Variants in ZMYM1 observed in about 807,000 individuals in gnomAD.
ZMYM1 encodes the protein zinc finger MYM-type protein 1.
A neutral mutation model predicts 60.0 loss-of-function variants in ZMYM1; 39 were observed. The observed-to-expected ratio is 0.65, with a 90% CI of 0.50 to 0.85. ZMYM1 has a LOEUF of 0.85. Ranked by LOEUF, ZMYM1 falls within the 40% of genes least tolerant of loss-of-function variation. ZMYM1 has a pLI of 0.00. For synonymous variants in ZMYM1, 413 were observed against 454.0 expected, an observed-to-expected ratio of 0.91 and a Z score of 1.15; for missense variants, 1,171 against 1,309.5, an observed-to-expected ratio of 0.89 and a Z score of 1.63.
chr1:35,069,072 G>T (rs1009165720), intron 1 of ZMYM1, among the ~76,000 whole-genome samples: 2 of 152,200 alleles, frequency 1.3e-5, no homozygotes, highest in African/African-American at 4.8e-5. Flanking sequence ...GACCTCAGGT[G>T]ATCTGCCTGC....
chr1:35,068,897 C>T (rs188979559), intron 1 of ZMYM1, among the ~76,000 whole-genome samples: 17 of 152,112 alleles, frequency 1.1e-4, no homozygotes, highest in African/African-American at 3.6e-4. Flanking sequence ...AGGGCAATGG[C>T]GTGATGTTGG....
At chr1:35,109,927 T>A (rs1036697208) in intron 6 of ZMYM1, among the ~76,000 whole-genome samples, 2 of 152,180 alleles carry the variant, frequency 1.3e-5, no homozygotes, top group Non-Finnish European at 2.9e-5. Flanking sequence ...TTTGTATTTT[T>A]AGTAGAGACG....
At chr1:35,062,996 G>T (rs1461796752) in intron 1 of ZMYM1, among the ~76,000 whole-genome samples, 1 of 152,176 alleles carries the variant, frequency 6.6e-6, no homozygotes, top group Non-Finnish European at 1.5e-5. Context: ...GGTGCTTCTG[G>T]TCTAGTGGCT....
chr1:35,089,088 A>G (rs1485788148), intron 1 of ZMYM1, among the ~76,000 whole-genome samples: 2 of 152,078 alleles, frequency 1.3e-5, no homozygotes, highest in East Asian at 3.9e-4. Context: ...CAGGGATTTC[A>G]GGCATGAGCC....
In ZMYM1 at chr1:35,083,291, C is replaced by T. The variant is rs552137372; in HGVS notation, c.-75+3849C>T. Among the ~76,000 whole-genome samples the T allele has an allele frequency of 1.1e-3, 168 of 152,114 alleles. 6 individuals carry two copies. The South Asian group carries it at 0.033, about 30-fold the overall frequency. ...TCGGCCTCCCGAGTAGCTGGGACTC[C>T]AGATGCATACCATCATACCCAGCTA... is the stretch of plus-strand genomic sequence containing the variant. On this transcript the variant is annotated intron_variant, in intron 1 of 9. Transcript: ENST00000359858.
upstream of ZMYM1, among the ~76,000 whole-genome samples, chr1:35,078,537 A>ATTTTTTTTTTTTTTTTTTTTTTT (rs751468260): frequency 1.2e-5 from 1 of 82,234 alleles, no homozygotes; most frequent in Non-Finnish European, 2.3e-5. Flanking sequence ...GGTTATTTTA[A>ATTTTTTTTTTTTTTTTTTTTTTT]TTTTTTTTTT....
chr1:35,099,761 C>T (rs944974322), intron 4 of ZMYM1, among the ~76,000 whole-genome samples: 2 of 152,120 alleles, frequency 1.3e-5, no homozygotes, highest in African/African-American at 2.4e-5. Flanking sequence ...GAGACAGAGT[C>T]ACTATGTTTC....
intron 1 of ZMYM1, among the ~76,000 whole-genome samples, chr1:35,083,188 G>C (rs900436113): frequency 6.7e-6 from 1 of 148,814 alleles, no homozygotes; most frequent in African/African-American, 2.5e-5. Flanking sequence ...GGGTCTCACT[G>C]TCCCCCAGAC....
intron 6 of ZMYM1, among the ~76,000 whole-genome samples, chr1:35,106,966 C>T (rs1439119707): frequency 6.6e-6 from 1 of 151,692 alleles, no homozygotes. Flanking sequence ...ATTCTCGTAT[C>T]TCAGCCTCGC....
Position 35,094,077 on chromosome 1 carries a change from T to C in ZMYM1, c.90T>C (p.Asn30=), listed in dbSNP as rs1643177103. 6.2e-7 allele frequency: 1 copy of C among 1,608,414 alleles called. No individual in the cohort carries two copies. The highest frequency in any genetic ancestry group is 1.1e-5 in the South Asian group (1 of 90,018). Residue 30 remains asparagine (N), a synonymous_variant, in exon 2 of 10, where the codon AAT becomes AAC. Transcript: ENST00000359858. ...ATGAAATTAAGACAGAACCCGACAATGCTCAAGTAAATATTTTCCCTTATT... is the reference window on the plus strand; with the variant it reads ...ATGAAATTAAGACAGAACCCGACAACGCTCAAGTAAATATTTTCCCTTATT... The part of the protein sequence containing the change: ...LLDEIKTEPD[N]AQEYCHRQQS...
chr1:35,092,577 TCTTTC>T (rs1389461187), intron 1 of ZMYM1, among the ~76,000 whole-genome samples: 1 of 150,412 alleles, frequency 6.6e-6, no homozygotes, highest in Non-Finnish European at 1.5e-5. Context: ...TCCTTTTCTT[TCTTTC>T]TTTTCTTTCT....
chr1:35,109,800 G>A (rs958002775), intron 6 of ZMYM1, among the ~76,000 whole-genome samples: 2 of 151,648 alleles, frequency 1.3e-5, no homozygotes, highest in African/African-American at 4.8e-5. Context: ...AGGCTGGAGT[G>A]CAGTGTCACA....
chr1:35,061,356 G>C (rs1641872583), intron 1 of ZMYM1, among the ~76,000 whole-genome samples: 1 of 152,158 alleles, frequency 6.6e-6, no homozygotes, highest in South Asian at 2.1e-4. Context: ...GAGAATATTA[G>C]GGGATTTTGT....
At chr1:35,080,353 T>C (rs1294601477) in intron 1 of ZMYM1, among the ~76,000 whole-genome samples, 2 of 150,312 alleles carry the variant, frequency 1.3e-5, no homozygotes, top group Non-Finnish European at 3.0e-5. Context: ...GTCTCGCTCT[T>C]TGGCCCAGGC....
intron 2 of ZMYM1, among the ~76,000 whole-genome samples, chr1:35,095,561 G>C (rs1377969477): frequency 6.6e-6 from 1 of 150,632 alleles, no homozygotes. Flanking sequence ...GCTCCCTATT[G>C]ATAGTGAATG....
chr1:35,066,356 C>T (rs1314338787), intron 1 of ZMYM1, among the ~76,000 whole-genome samples: 2 of 152,148 alleles, frequency 1.3e-5, no homozygotes, highest in Non-Finnish European at 2.9e-5. Context: ...CGCCACCACG[C>T]CCAGCTAATT....
chr1:35,096,324 A>ATCTCTTTTTTTTTTTTTTT (rs1643317957), intron 3 of ZMYM1, among the ~76,000 whole-genome samples: 1 of 150,980 alleles, frequency 6.6e-6, no homozygotes. Flanking sequence ...AAAAAAAAAA[A>ATCTCTTTTTTTTTTTTTTT]AGAGAAGAAA....
At chr1:35,067,475 A>T (rs1641991161) in intron 1 of ZMYM1, among the ~76,000 whole-genome samples, 1 of 151,468 alleles carries the variant, frequency 6.6e-6, no homozygotes, top group Non-Finnish European at 1.5e-5. Flanking sequence ...AATTTTGTAG[A>T]GGGGAAGGTT....
rs201138456 is a variant in ZMYM1 at position 35,060,137 on chromosome 1, T to TTTG, written c.-301+218_-301+220dup. 3.8e-3 allele frequency among the ~76,000 whole-genome samples: 543 copies of TTTG among 141,290 alleles called. 4 individuals carry two copies. Among genetic ancestry groups the TTTG allele is most frequent in the African/African-American group, 0.012 (441 of 36,532 alleles). The allele number at this position is 141,290 out of a possible 152,430, so 92.7% of individuals were successfully genotyped here. On this transcript the variant is annotated intron_variant, in intron 1 of 10. Coordinates refer to the ZMYM1 transcript ENST00000417119. ...AGAGACAAACATGGGGGAAATACTA[T>TTTG]TTGTTGTTATTATTATTATTATTAT...
Sources: allele counts gnomAD v4.1 joint callset (sites outside exome capture counted in the v4.1 genomes callset), GRCh38; gene constraint gnomAD v4.1.1; transcripts MANE v1.5; gene names NCBI Gene and HGNC (gene_info 2026-07-23, HGNC 2026-07-21).